Variants in ADGRL3 observed in about 807,000 individuals in gnomAD.
ADGRL3 encodes the protein calcium-independent alpha-latrotoxin receptor 3.
A neutral mutation model predicts 153.5 loss-of-function variants in ADGRL3; 62 were observed. That is an observed-to-expected ratio of 0.40 (90% CI 0.33 to 0.50). ADGRL3 has a LOEUF of 0.50. Ranked by LOEUF, ADGRL3 falls within the 20% of genes least tolerant of loss-of-function variation. ADGRL3 has a pLI of 0.47. For missense variants in ADGRL3, 1,641 were observed against 1,859.4 expected, an observed-to-expected ratio of 0.88 and a Z score of 2.16; for synonymous variants, 710 against 672.5, an observed-to-expected ratio of 1.06 and a Z score of -0.86.
chr4:61,654,463 T>C (rs1001422181), intron 5 of ADGRL3, among the ~76,000 whole-genome samples: 1 of 152,096 alleles, frequency 6.6e-6, no homozygotes, highest in Non-Finnish European at 1.5e-5. Context: ...TGTAGGGATG[T>C]ACTGTCTTTA....
chr4:61,878,063 C>G (rs1043842852), intron 9 of ADGRL3, among the ~76,000 whole-genome samples: 1 of 152,258 alleles, frequency 6.6e-6, no homozygotes. Context: ...AACTGTGAGT[C>G]AGTTTGACCA....
At chr4:61,863,058 A>G (rs1279943905) in intron 9 of ADGRL3, among the ~76,000 whole-genome samples, 1 of 152,050 alleles carries the variant, frequency 6.6e-6, no homozygotes, top group African/African-American at 2.4e-5. Flanking sequence ...CAGCTGAGCC[A>G]CTCCAATACT....
chr4:61,395,764 A>G (rs1404348184), intron 2 of ADGRL3, among the ~76,000 whole-genome samples: 1 of 152,026 alleles, frequency 6.6e-6, no homozygotes, highest in Non-Finnish European at 1.5e-5. Flanking sequence ...TCAGAAAATG[A>G]TAAGATATCT....
rs553496901 is a variant in ADGRL3, at chr4:61,228,406, G to C, written c.-240+26641G>C. Among the ~76,000 whole-genome samples, 15 of 152,242 alleles carry C rather than the reference G, an allele frequency of 9.9e-5. 1 individual carries two copies. The South Asian group carries it at 3.1e-3, about 32-fold the overall frequency. ...ATACATTCCACATTTCCATGTGGTT[G>C]TGGATATAGAGTCAAGTTCCATATT... On this transcript the variant is annotated intron_variant, in intron 1 of 26. Transcript: ENST00000683033.
intron 1 of ADGRL3, among the ~76,000 whole-genome samples, chr4:61,205,696 C>A (rs867139946): frequency 2.6e-5 from 4 of 152,240 alleles, no homozygotes; most frequent in Middle Eastern, 6.8e-3. Context: ...GTAAGGTCCT[C>A]CTGACATTTT....
intron 1 of ADGRL3, among the ~76,000 whole-genome samples, chr4:61,332,801 C>T (rs2095600026): frequency 6.6e-6 from 1 of 151,866 alleles, no homozygotes; most frequent in African/African-American, 2.4e-5. Context: ...TCATCTCAAG[C>T]TTGCATATTC....
At chr4:61,216,090 G>T (rs1286660814) in intron 1 of ADGRL3, among the ~76,000 whole-genome samples, 28 of 152,040 alleles carry the variant, frequency 1.8e-4, no homozygotes, top group Non-Finnish European at 2.9e-4. Flanking sequence ...AAACTGAATA[G>T]GTAGTTGATG....
intron 3 of ADGRL3, among the ~76,000 whole-genome samples, chr4:61,498,269 G>A (rs1450783690): frequency 2.6e-5 from 4 of 152,116 alleles, no homozygotes; most frequent in African/African-American, 4.8e-5. Flanking sequence ...TCAAAAGAAC[G>A]GCTGGGCACC....
At chr4:61,778,566 C>T (rs181878401) in intron 8 of ADGRL3, among the ~76,000 whole-genome samples, 286 of 152,300 alleles carry the variant, frequency 1.9e-3, no homozygotes, top group African/African-American at 6.8e-3. Flanking sequence ...CTATCTGCAA[C>T]ATTCGGTTTT....
At chr4:61,337,673 T>C (rs2095707908) in intron 1 of ADGRL3, among the ~76,000 whole-genome samples, 1 of 152,226 alleles carries the variant, frequency 6.6e-6, no homozygotes, top group Admixed American at 6.5e-5. Flanking sequence ...TAAAATTTAT[T>C]GAGCACTTGC....
intron 17 of ADGRL3, among the ~76,000 whole-genome samples, chr4:61,958,912 C>T (rs1367348743): frequency 1.3e-5 from 2 of 152,100 alleles, no homozygotes; most frequent in Admixed American, 1.3e-4. Context: ...TACCATAAAC[C>T]CCAAGGTGGC....
At chr4:62,027,196 G>A (rs1262502936) in intron 21 of ADGRL3, among the ~76,000 whole-genome samples, 1 of 151,624 alleles carries the variant, frequency 6.6e-6, no homozygotes, top group Non-Finnish European at 1.5e-5. Flanking sequence ...TTTCTTTCTA[G>A]GCCTGTTTCA....
chr4:61,910,917 A>T (rs1359024509), intron 12 of ADGRL3, among the ~76,000 whole-genome samples: 1 of 151,210 alleles, frequency 6.6e-6, no homozygotes, highest in Non-Finnish European at 1.5e-5. Flanking sequence ...CTGCAATTTC[A>T]TCTGTAAAAA....
rs1004798670 is a variant in ADGRL3 at position 61,202,620 on chromosome 4, G to A, written c.-240+855G>A. ...TACAGGTAGGAGAGAAGGCACCTCGGCGCTTCTCTGAGGAGAAGGGAAGGC... is the reference window on the plus strand; with the variant it reads ...TACAGGTAGGAGAGAAGGCACCTCGACGCTTCTCTGAGGAGAAGGGAAGGC... On this transcript the variant is annotated intron_variant, in intron 1 of 26. Coordinates refer to ENST00000683033, the MANE Select transcript of ADGRL3 (RefSeq NM_001387552.1). The surrounding 1 kb of genome is among the most constrained non-coding windows in gnomAD (Gnocchi z 5.0). Among the ~76,000 whole-genome samples the A allele has an allele frequency of 3.3e-5, 5 of 152,172 alleles. No individual in the cohort carries two copies. The highest frequency in any genetic ancestry group is 6.5e-5 in the Admixed American group (1 of 15,290).
chr4:61,815,731 C>A (rs551529599), intron 9 of ADGRL3, among the ~76,000 whole-genome samples: 34 of 152,292 alleles, frequency 2.2e-4, no homozygotes, highest in Non-Finnish European at 4.3e-4. Context: ...AGGCCACTGA[C>A]CTAATGAATG....
intron 1 of ADGRL3, among the ~76,000 whole-genome samples, chr4:61,378,032 C>A (rs950101220): frequency 2.6e-5 from 4 of 151,788 alleles, no homozygotes; most frequent in African/African-American, 9.7e-5. Context: ...TAATTTAATT[C>A]TGTTTTGGTT....
At chr4:61,850,610 A>G (rs1482072605) in intron 9 of ADGRL3, among the ~76,000 whole-genome samples, 2 of 152,182 alleles carry the variant, frequency 1.3e-5, no homozygotes, top group Admixed American at 6.5e-5. Flanking sequence ...ATATAAAACG[A>G]CAGCATAAAA....
At chr4:61,203,782 C>T (rs2148715265) in intron 1 of ADGRL3, among the ~76,000 whole-genome samples, 1 of 152,300 alleles carries the variant, frequency 6.6e-6, no homozygotes, top group African/African-American at 2.4e-5. Context: ...CCCAATTTAT[C>T]TGCATGTGGA....
chr4:61,815,546 GA>G (rs2097678553), intron 9 of ADGRL3, among the ~76,000 whole-genome samples: 1 of 152,182 alleles, frequency 6.6e-6, no homozygotes, highest in Admixed American at 6.5e-5. Flanking sequence ...ACATTTCAAT[GA>G]ATAGATACAG....
Sources: allele counts gnomAD v4.1 joint callset (sites outside exome capture counted in the v4.1 genomes callset), GRCh38; gene constraint gnomAD v4.1.1; non-coding constraint Gnocchi (gnomAD v3.1); transcripts MANE v1.5; gene names NCBI Gene and HGNC (gene_info 2026-07-23, HGNC 2026-07-21).